Variants in COL18A1 observed in about 807,000 individuals in gnomAD.
COL18A1 encodes the protein collagen alpha-1(XVIII) chain.
COL18A1 carries 133 observed loss-of-function variants against 168.0 expected under a neutral mutation model. The observed-to-expected ratio is 0.79, with a 90% CI of 0.69 to 0.91. COL18A1 has a LOEUF of 0.91. COL18A1 is among the 40% of genes least tolerant of loss of function. The pLI is 0.00. For missense variants in COL18A1, 2,126 were observed against 1,925.4 expected (o/e 1.10, Z -1.95); for synonymous variants, 949 against 809.0 (o/e 1.17, Z -2.94).
At chr21:45,438,058 T>A (rs1301899370) in intron 2 of COL18A1, among the ~76,000 whole-genome samples, 64 of 46,838 alleles carry the variant, frequency 1.4e-3, no homozygotes, top group Admixed American at 2.4e-3. Context: ...CTGCACACAC[T>A]CACACTCACA....
chr21:45,493,311 C>T (rs1988878435), intron 25 of COL18A1, 86 bp downstream of exon 25: 24 of 1,449,550 alleles, frequency 1.7e-5, no homozygotes, highest in Non-Finnish European at 2.3e-5. Flanking sequence ...TTGGGAGGGA[C>T]CTGGGACCCC....
At chr21:45,490,934 C>T in intron 21 of COL18A1, 63 bp downstream of exon 21, 3 of 1,467,752 alleles carry the variant, frequency 2.0e-6, no homozygotes, top group Non-Finnish European at 2.8e-6. Flanking sequence ...GAAGGTTTGG[C>T]CTCAGCTGCC....
chr21:45,456,547 C>T, intron 2 of COL18A1: 1 of 1,548,078 alleles, frequency 6.5e-7, no homozygotes, highest in Non-Finnish European at 8.7e-7. Context: ...CCCTGCCACC[C>T]TCCCTGCCAG....
Position 45,437,848 on chromosome 21 carries a change from ACACACT to A in COL18A1, c.107-30379_107-30374del, listed in dbSNP as rs766301435. Among the ~76,000 whole-genome samples, 7 of 60,550 alleles carry A rather than the reference ACACACT, an allele frequency of 1.2e-4. 1 individual carries two copies. The highest frequency in any genetic ancestry group is 5.0e-4 in the East Asian group (1 of 1,994). The allele number at this position is 60,550 out of a possible 152,430, so 39.7% of individuals were successfully genotyped here. On this transcript the variant is annotated intron_variant, in intron 2 of 41. Transcript: ENST00000651438. Reference sequence around the variant, plus strand: ...CACACTCAGACAAGCACTCTCCTGCACACACTCACACTCACACTCAGACACACAGGC... The same window carrying A: ...CACACTCAGACAAGCACTCTCCTGCACACACTCACACTCAGACACACAGGC...
chr21:45,477,476 C>G lies in COL18A1; in HGVS notation c.994C>G (p.Arg332Gly). ...WDGSVRTPGG[R>G]VKEGGLKGQK... ...CGGGAGTGTCCGGACCCCTGGGGGC[C>G]GCGTGAAAGAGGTAAGGCCACCTCC... The change falls in exon 7 of 42, where the codon CGC (arginine) becomes GGC (glycine). Residue 332 changes from arginine to glycine, a missense_variant. Coordinates refer to ENST00000651438, the MANE Select transcript of COL18A1 (RefSeq NM_001379500.1). The G allele has an allele frequency of 6.2e-7, 1 of 1,610,598 alleles. No individual in the cohort carries two copies. The highest frequency in any genetic ancestry group is 8.5e-7 in the Non-Finnish European group (1 of 1,178,524).
chr21:45,486,542 C>T (rs562010034), intron 15 of COL18A1, among the ~76,000 whole-genome samples: 6 of 149,680 alleles, frequency 4.0e-5, no homozygotes, highest in East Asian at 2.0e-4. Context: ...CTTGCCTGCC[C>T]GGGAGCCAGG....
chr21:45,475,577 G>A (rs747609535), intron 5 of COL18A1, 42 bp downstream of exon 5: 73 of 1,553,456 alleles, frequency 4.7e-5, no homozygotes, highest in African/African-American at 8.1e-5. Flanking sequence ...GCAGGGTCCC[G>A]GGAGAGCCCC....
At chr21:45,449,839 T>C (rs1049947257) in intron 2 of COL18A1, among the ~76,000 whole-genome samples, 3 of 150,740 alleles carry the variant, frequency 2.0e-5, no homozygotes, top group Non-Finnish European at 3.0e-5. Flanking sequence ...TGGTGAGAGG[T>C]CCCGGCCAAG....
At chr21:45,503,819 A>G (rs1488924753) in intron 32 of COL18A1, 192 bp from the exon 33 acceptor site, 3 of 391,820 alleles carry the variant, frequency 7.7e-6, no homozygotes, top group Non-Finnish European at 1.4e-5. Flanking sequence ...ATAAAATAAA[A>G]ATAAAAAGGC....
intron 2 of COL18A1, among the ~76,000 whole-genome samples, chr21:45,437,795 GAC>G (rs1393014090): frequency 9.8e-5 from 3 of 30,644 alleles, no homozygotes; most frequent in African/African-American, 3.6e-4. Context: ...CTCACACACA[GAC>G]ACACAGGCAC....
intron 28 of COL18A1, 161 bp downstream of exon 28, chr21:45,495,076 G>A: frequency 1.4e-6 from 1 of 714,412 alleles, no homozygotes; most frequent in Non-Finnish European, 2.4e-6. Context: ...TCTTGTCCTG[G>A]ATGTGGCTGG....
At chr21:45,492,163 A>G (rs2036375125) in intron 22 of COL18A1, among the ~76,000 whole-genome samples, 1 of 152,178 alleles carries the variant, frequency 6.6e-6, no homozygotes, top group African/African-American at 2.4e-5. Context: ...AGGCATCGGG[A>G]GGCAGGGGCA....
Position 45,509,512 on chromosome 21 carries a change from G to A in COL18A1, c.3406G>A (p.Gly1136Arg), listed in dbSNP as rs199836125. The part of the protein sequence containing the change: ...PRLPEPQPYP[G>R]APHHSSYVHL... ...CCTGCCCGAGCCCCAGCCCTACCCC[G>A]GAGCCCCGCACCACAGCTCCTACGT... Residue 1136 changes from glycine (G) to arginine (R), a missense_variant, in exon 39 of 42, where the codon GGA becomes AGA. Gly to Arg is a moderately radical substitution (Grantham distance 125). Transcript: ENST00000651438. The A allele has an allele frequency of 6.1e-4, 927 of 1,530,224 alleles. 6 individuals are homozygous for A. In the African/African-American group the frequency reaches 0.011, roughly 18 times the overall value. 94.8% of individuals were successfully genotyped at this position (1,530,224 alleles called of 1,614,324 possible).
rs369114408 is a variant in COL18A1 at position 45,477,801 on chromosome 21, C to T, written c.1057C>T (p.Arg353Trp). The change falls in exon 8 of 42, where the codon CGG (arginine) becomes TGG (tryptophan). Residue 353 changes from arginine (R) to tryptophan (W), a missense_variant. By Grantham distance (101) the Arg-to-Trp change is moderately radical. Coordinates refer to ENST00000651438, the MANE Select transcript of COL18A1 (RefSeq NM_001379500.1). ...GEPGVPGPPG[R>W]AGPPGSPCLP... ...GCCAGGTGTTCCGGGCCCACCTGGC[C>T]GGGCAGGCCCCCCAGGATCCCCATG... 4.5e-5 allele frequency: 70 copies of T among 1,549,220 alleles called. 1 individual carries two copies. The African/African-American group carries it at 4.8e-4, about 11-fold the overall frequency.
chr21:45,440,861 G>A (rs1248760039), intron 2 of COL18A1, among the ~76,000 whole-genome samples: 1 of 152,322 alleles, frequency 6.6e-6, no homozygotes, highest in South Asian at 2.1e-4. Context: ...GGCAGGGTGA[G>A]GTTTCCCAGC....
intron 22 of COL18A1, among the ~76,000 whole-genome samples, chr21:45,491,588 C>T (rs190037090): frequency 1.8e-3 from 251 of 142,878 alleles, no homozygotes; most frequent in Non-Finnish European, 2.5e-3. Flanking sequence ...ATTGGGCTCA[C>T]TCCCTGTGTC....
chr21:45,414,607 T>C (rs560095177), intron 2 of COL18A1, among the ~76,000 whole-genome samples: 3 of 152,306 alleles, frequency 2.0e-5, no homozygotes, highest in East Asian at 3.9e-4. Context: ...CCCCTGCTGA[T>C]GGCCATGCTC....
intron 34 of COL18A1, 106 bp from the exon 35 acceptor site, chr21:45,505,027 AG>A: frequency 7.0e-7 from 1 of 1,425,304 alleles, no homozygotes; most frequent in Non-Finnish European, 9.6e-7. Context: ...GGTGACTCAG[AG>A]GCTGCGCTCG....
rs767831853 is a variant in COL18A1, at chr21:45,492,668, GC to G, written c.2188-17del. 6.2e-7 allele frequency: 1 copy of G among 1,611,520 alleles called. No individual in the cohort carries two copies. The highest frequency in any genetic ancestry group is 1.1e-5 in the South Asian group (1 of 91,052). On this transcript the variant is annotated intron_variant, in intron 23 of 41. Coordinates refer to ENST00000651438, the MANE Select transcript of COL18A1 (RefSeq NM_001379500.1). ...AGGGTGCGTGATGACCCCAGCTGACGCCGTCCCTCTTTCCCCAGGGCCGGCC... is the reference window on the plus strand; with the variant it reads ...AGGGTGCGTGATGACCCCAGCTGACGCGTCCCTCTTTCCCCAGGGCCGGCC...
Sources: allele counts gnomAD v4.1 joint callset (sites outside exome capture counted in the v4.1 genomes callset), GRCh38; gene constraint gnomAD v4.1.1; transcripts MANE v1.5; gene names NCBI Gene and HGNC (gene_info 2026-07-23, HGNC 2026-07-21).